The following KCTD16 variants were observed in gnomAD, a reference collection of about 807,000 sequenced individuals.
The protein encoded by KCTD16 is potassium channel tetramerization domain containing 16.
KCTD16 carries 13 observed loss-of-function variants against 33.2 expected under a neutral mutation model. The observed-to-expected ratio is 0.39, with a 90% CI of 0.25 to 0.62. The LOEUF is 0.62. Among genes scored for constraint, KCTD16 ranks in the 20% least tolerant of loss-of-function variants. KCTD16 has a pLI of 0.50. For missense variants in KCTD16, 441 were observed against 525.1 expected (o/e 0.84, Z 1.57); for synonymous variants, 197 against 195.3 (o/e 1.01, Z -0.07).
At chr5:144,289,983 A>T (rs1034710688) in intron 3 of KCTD16, among the ~76,000 whole-genome samples, 1 of 152,200 alleles carries the variant, frequency 6.6e-6, no homozygotes, top group Non-Finnish European at 1.5e-5. Flanking sequence ...TATTAAGTGC[A>T]TAAGACCAAA....
chr5:144,464,484 C>T (rs1754271868), intron 3 of KCTD16, among the ~76,000 whole-genome samples: 1 of 152,108 alleles, frequency 6.6e-6, no homozygotes, highest in African/African-American at 2.4e-5. Context: ...GGATAGAGGC[C>T]ACAGATGTTG....
At chr5:144,278,653 G>A (rs991438558) in intron 3 of KCTD16, among the ~76,000 whole-genome samples, 5 of 151,170 alleles carry the variant, frequency 3.3e-5, no homozygotes, top group Non-Finnish European at 5.9e-5. Flanking sequence ...GCCCGCCACC[G>A]CGCCCGGCTA....
intron 3 of KCTD16, among the ~76,000 whole-genome samples, chr5:144,239,178 G>C (rs1754334053): frequency 6.6e-6 from 1 of 152,112 alleles, no homozygotes; most frequent in Non-Finnish European, 1.5e-5. Context: ...ATGAGAATCA[G>C]TTGAAGCAAT....
intron 3 of KCTD16, among the ~76,000 whole-genome samples, chr5:144,381,771 G>A (rs1415255643): frequency 3.3e-5 from 5 of 152,196 alleles, no homozygotes; most frequent in Non-Finnish European, 5.9e-5. Context: ...AATTCAACAT[G>A]AGATTTGGGT....
chr5:144,350,617 A>G (rs1253390457), intron 3 of KCTD16, among the ~76,000 whole-genome samples: 1 of 152,164 alleles, frequency 6.6e-6, no homozygotes, highest in East Asian at 1.9e-4. Context: ...TTAATGATAG[A>G]CATTTTAGTT....
intron 3 of KCTD16, among the ~76,000 whole-genome samples, chr5:144,276,246 C>T (rs1755434644): frequency 6.6e-6 from 1 of 152,092 alleles, no homozygotes; most frequent in African/African-American, 2.4e-5. Flanking sequence ...AAAAGAATGA[C>T]ATCATTCTGT....
At chr5:144,342,182 C>T (rs543699004) in intron 3 of KCTD16, among the ~76,000 whole-genome samples, 4 of 152,180 alleles carry the variant, frequency 2.6e-5, no homozygotes, top group South Asian at 2.1e-4. Context: ...GCCATTTTCA[C>T]GATATTGATT....
At chr5:144,319,839 T>G (rs1339078037) in intron 3 of KCTD16, among the ~76,000 whole-genome samples, 3 of 152,196 alleles carry the variant, frequency 2.0e-5, no homozygotes, top group Admixed American at 2.0e-4. Flanking sequence ...TGTGAAAACT[T>G]TGACCGTGAG....
intron 3 of KCTD16, among the ~76,000 whole-genome samples, chr5:144,216,204 A>G (rs946356823): frequency 1.3e-5 from 2 of 152,228 alleles, no homozygotes; most frequent in Admixed American, 1.3e-4. Flanking sequence ...GTTATTGAGT[A>G]TGTCACTGAC....
intron 3 of KCTD16, among the ~76,000 whole-genome samples, chr5:144,417,890 C>T (rs113035653): frequency 0.032 from 4,903 of 152,206 alleles, 270 homozygotes; most frequent in African/African-American, 0.11. Flanking sequence ...CCTGGTCTTG[C>T]TGACTTCAAG....
chr5:144,262,086 G>T (rs1755029278), intron 3 of KCTD16, among the ~76,000 whole-genome samples: 10 of 152,152 alleles, frequency 6.6e-5, no homozygotes, highest in Admixed American at 6.5e-4. Flanking sequence ...ATACCTAGTG[G>T]TCAATGCTAT....
At position 144,478,989 on chromosome 5, in the gene KCTD16, T is replaced by C. The variant is rs1190782810; in HGVS notation, c.*4875T>C. 1 of 151,922 alleles carries C rather than the reference T, an allele frequency of 6.6e-6. No individual in the cohort carries two copies. The highest frequency in any genetic ancestry group is 1.5e-5 in the Non-Finnish European group (1 of 67,898). 9.4% of individuals were successfully genotyped at this position (151,922 alleles called of 1,614,324 possible). On this transcript the variant is annotated 3_prime_UTR_variant, in exon 4 of 4. Coordinates refer to ENST00000512467, the MANE Select transcript of KCTD16 (RefSeq NM_020768.4). Reference sequence around the variant, plus strand: ...TATTATAGTCTTAGCTCTGGGTAGATGGGAGCATATCTCTGAGTGAGATGT... The same window carrying C: ...TATTATAGTCTTAGCTCTGGGTAGACGGGAGCATATCTCTGAGTGAGATGT...
At chr5:144,284,416 G>C (rs1231537577) in intron 3 of KCTD16, among the ~76,000 whole-genome samples, 1 of 152,198 alleles carries the variant, frequency 6.6e-6, no homozygotes, top group Non-Finnish European at 1.5e-5. Flanking sequence ...CTACTTCGCA[G>C]CGTGGCTTAG....
In KCTD16 at chr5:144,401,716, A is replaced by G. The variant is rs139281137; in HGVS notation, c.833-71944A>G. 9.4e-3 allele frequency among the ~76,000 whole-genome samples: 1,438 copies of G among 152,352 alleles called. 4 individuals carry two copies. Among genetic ancestry groups the G allele is most frequent in the Middle Eastern group, 0.024 (7 of 294 alleles). Reference sequence around the variant, plus strand: ...TTCATCCAATTACTCACTTGTGAATATTTATTTAGAAATAATTTCTAGGCA... The same window carrying G: ...TTCATCCAATTACTCACTTGTGAATGTTTATTTAGAAATAATTTCTAGGCA... On this transcript the variant is annotated intron_variant, in intron 3 of 3. Transcript: ENST00000512467.
At chr5:144,434,517 C>T (rs2126971687) in intron 3 of KCTD16, among the ~76,000 whole-genome samples, 1 of 152,180 alleles carries the variant, frequency 6.6e-6, no homozygotes, top group African/African-American at 2.4e-5. Flanking sequence ...AATTAGGCTC[C>T]ATTGGTTCTG....
intron 2 of KCTD16, among the ~76,000 whole-genome samples, chr5:144,183,801 A>C (rs1190275363): frequency 6.6e-6 from 1 of 152,202 alleles, no homozygotes; most frequent in Non-Finnish European, 1.5e-5. Context: ...TTATAAATAA[A>C]AGTATAAATG....
At chr5:144,440,219 T>C (rs1023059042) in intron 3 of KCTD16, among the ~76,000 whole-genome samples, 2 of 152,178 alleles carry the variant, frequency 1.3e-5, no homozygotes, top group East Asian at 3.8e-4. Flanking sequence ...TGTCTTAAAA[T>C]GTATCTGTTG....
chr5:144,201,451 C>A (rs1172406468), intron 2 of KCTD16, among the ~76,000 whole-genome samples: 1 of 152,128 alleles, frequency 6.6e-6, no homozygotes, highest in Non-Finnish European at 1.5e-5. Context: ...GTTTGGGCAT[C>A]TTTTGTAATT....
rs369875779 is a variant in KCTD16, at chr5:144,418,458, C to A, written c.833-55202C>A. On this transcript the variant is annotated intron_variant, in intron 3 of 3. Transcript: ENST00000512467. ...GAGTGCTGATTGGTGTGTTTACAAA[C>A]CTTTAGCAAGACACAGAGAGCTGAT... is the stretch of plus-strand genomic sequence containing the variant. Among the ~76,000 whole-genome samples the A allele has an allele frequency of 3.3e-5, 5 of 152,070 alleles. No homozygotes were observed. The East Asian group carries it at 7.7e-4, about 24-fold the overall frequency.
Sources: gnomAD v4.1 joint callset for allele counts (sites outside exome capture counted in the v4.1 genomes callset) on GRCh38, gnomAD v4.1.1 for gene constraint, MANE v1.5 for transcripts, NCBI Gene and HGNC (gene_info 2026-07-23, HGNC 2026-07-21) for gene names.